Variants in PDE10A observed in about 807,000 individuals in gnomAD.
The protein encoded by PDE10A is cAMP and cAMP-inhibited cGMP 3',5'-cyclic phosphodiesterase 10A.
A neutral mutation model predicts 97.7 loss-of-function variants in PDE10A; 39 were observed. The ratio of observed to expected loss-of-function variants is 0.40; its 90% CI spans 0.31 to 0.52. PDE10A has a LOEUF of 0.52. PDE10A is among the 20% of genes least tolerant of loss of function. The probability of loss-of-function intolerance (pLI) is 0.56; values close to 1 mark genes in which losing one functional copy is unlikely to be tolerated. For synonymous variants in PDE10A, 371 were observed against 376.8 expected (o/e 0.98, Z 0.18); for missense variants, 731 against 1,047.8 (o/e 0.70, Z 4.17).
chr6:165,396,363 GA>G lies in PDE10A; in HGVS notation c.2172del (p.Leu725SerfsTer57). 6.2e-7 allele frequency: 1 copy of G among 1,613,386 alleles called. No homozygotes were observed. The highest frequency in any genetic ancestry group is 8.5e-7 in the Non-Finnish European group (1 of 1,179,566). Reference protein sequence around the residue: ...HSICTSEEWQGLMQFTLPVRL... With the variant: ...HSICTSEEWQXLMQFTLPVRL... ...CGCACGGGAAGGGTGAATTGCATGA[GA>G]CCTTGCCACTCTTCTGAAGTACAAA... is the stretch of plus-strand genomic sequence containing the variant. On this transcript the variant is annotated frameshift_variant, in exon 14 of 22. Coordinates refer to ENST00000539869, the MANE Select transcript of PDE10A (RefSeq NM_001385079.1). LOFTEE classifies it high-confidence loss of function.
chr6:165,928,761 G>A (rs1783028280), intron 1 of PDE10A, among the ~76,000 whole-genome samples: 1 of 152,140 alleles, frequency 6.6e-6, no homozygotes, highest in East Asian at 1.9e-4. Context: ...CCTGAGTGCT[G>A]GGACCTATGG....
chr6:165,613,666 T>C (rs190958820), intron 1 of PDE10A, among the ~76,000 whole-genome samples: 1 of 152,186 alleles, frequency 6.6e-6, no homozygotes, highest in African/African-American at 2.4e-5. Flanking sequence ...TAAAACACTA[T>C]TTTTCAAAAC....
intron 1 of PDE10A, among the ~76,000 whole-genome samples, chr6:165,841,753 A>G (rs547077560): frequency 6.6e-6 from 1 of 152,352 alleles, no homozygotes; most frequent in South Asian, 2.1e-4. Context: ...TATGTCTTGC[A>G]CAAGAGGAAG....
chr6:165,644,900 G>C (rs145033833), intron 1 of PDE10A, among the ~76,000 whole-genome samples: 150 of 152,292 alleles, frequency 9.8e-4, no homozygotes, highest in African/African-American at 3.5e-3. Context: ...TTGATCTCCA[G>C]GAAATCTGGG....
In PDE10A at chr6:165,715,894, C is replaced by G. The variant is rs1315353243; in HGVS notation, c.-614-172326G>C. 2.6e-5 allele frequency among the ~76,000 whole-genome samples: 4 copies of G among 152,358 alleles called. No homozygotes were observed. The East Asian group carries it at 7.7e-4, about 29-fold the overall frequency. On this transcript the variant is annotated intron_variant, in intron 1 of 19. Coordinates refer to the PDE10A transcript ENST00000366882. ...ACATTACTTTCTCCTCAGCTTTATT[C>G]TGTCCTACCAGACAGTCAGGTCTCC...
intron 1 of PDE10A, among the ~76,000 whole-genome samples, chr6:165,982,180 T>G (rs548297459): frequency 7.2e-5 from 11 of 152,302 alleles, no homozygotes; most frequent in Admixed American, 1.3e-4. Flanking sequence ...GCTACCCATA[T>G]TTCACTATGG....
chr6:165,408,075 C>T (rs1456796691), intron 13 of PDE10A, among the ~76,000 whole-genome samples: 1 of 152,130 alleles, frequency 6.6e-6, no homozygotes, highest in Non-Finnish European at 1.5e-5. Context: ...ATAAAATATG[C>T]CATTACATTA....
chr6:165,668,745 G>C (rs1790560065), intron 1 of PDE10A, among the ~76,000 whole-genome samples: 1 of 124,106 alleles, frequency 8.1e-6, no homozygotes, highest in Admixed American at 9.5e-5. Context: ...AGAAAAGACA[G>C]AAAGAGAAAG....
Position 165,422,460 on chromosome 6 carries a change from C to T in PDE10A, c.1654-3683G>A, listed in dbSNP as rs951719406. 8.2e-5 allele frequency among the ~76,000 whole-genome samples: 12 copies of T among 147,130 alleles called. 1 individual carries two copies. The highest frequency in any genetic ancestry group is 1.4e-4 in the Non-Finnish European group (9 of 66,554). On this transcript the variant is annotated intron_variant, in intron 10 of 21. Transcript: ENST00000539869. ...ATACACACATACGCATATACACACA[C>T]AGGCATACACACATACGCATACACA...
intron 18 of PDE10A, among the ~76,000 whole-genome samples, chr6:165,367,758 T>C (rs189880617): frequency 6.7e-6 from 1 of 148,544 alleles, no homozygotes; most frequent in African/African-American, 2.5e-5. Flanking sequence ...CCAGTGAAAA[T>C]ATCTTTAAAA....
At chr6:165,972,451 C>T (rs1303858006) in intron 1 of PDE10A, among the ~76,000 whole-genome samples, 1 of 151,998 alleles carries the variant, frequency 6.6e-6, no homozygotes, top group Admixed American at 6.6e-5. Flanking sequence ...CAGTCTCTGT[C>T]ACGAAAAAAA....
At chr6:165,906,897 A>G (rs1402768453) in intron 1 of PDE10A, among the ~76,000 whole-genome samples, 2 of 152,228 alleles carry the variant, frequency 1.3e-5, no homozygotes, top group African/African-American at 2.4e-5. Context: ...ATCGGAGTCC[A>G]GGTAAGTAAA....
Position 165,619,408 on chromosome 6 carries a change from T to G in PDE10A, c.865+42539A>C, listed in dbSNP as rs1320315204. ...TCTAGTATAGTGTAGTGTAGTGTAG[T>G]CTAGTGTAGTGTAGTGTAGTATAGT... On this transcript the variant is annotated intron_variant, in intron 1 of 21. Coordinates refer to ENST00000539869, the MANE Select transcript of PDE10A (RefSeq NM_001385079.1). Among the ~76,000 whole-genome samples the G allele has an allele frequency of 6.7e-4, 81 of 121,088 alleles. 1 individual carries two copies. The highest frequency in any genetic ancestry group is 1.2e-3 in the East Asian group (5 of 4,288). The allele number at this position is 121,088 out of a possible 152,430, so 79.4% of individuals were successfully genotyped here. A position where few individuals can be genotyped will look rare whatever the true frequency, so the allele number is the denominator to read the frequency against.
chr6:165,361,179 T>C (rs780282626), intron 18 of PDE10A, among the ~76,000 whole-genome samples: 6 of 152,090 alleles, frequency 3.9e-5, no homozygotes, highest in Non-Finnish European at 8.8e-5. Context: ...AGATACAAGA[T>C]AAGCAGTACA....
intron 10 of PDE10A, among the ~76,000 whole-genome samples, chr6:165,420,055 C>A (rs899479748): frequency 1.3e-5 from 2 of 152,116 alleles, no homozygotes; most frequent in Non-Finnish European, 2.9e-5. Context: ...AGTATCAGGA[C>A]CTCTAGGTTA....
intron 16 of PDE10A, among the ~76,000 whole-genome samples, chr6:165,391,069 C>A (rs993270620): frequency 2.0e-5 from 3 of 152,112 alleles, no homozygotes; most frequent in Admixed American, 2.0e-4. Context: ...TTTTAAAATT[C>A]ATGTGACTTT....
At chr6:165,475,980 G>A (rs1779272323) in intron 3 of PDE10A, among the ~76,000 whole-genome samples, 1 of 152,028 alleles carries the variant, frequency 6.6e-6, no homozygotes, top group Admixed American at 6.6e-5. Context: ...GACTGAACTG[G>A]TGCCACCGAC....
chr6:165,559,808 C>A (rs1784436183), intron 1 of PDE10A, among the ~76,000 whole-genome samples: 1 of 152,166 alleles, frequency 6.6e-6, no homozygotes, highest in Admixed American at 6.5e-5. Context: ...GTGACTATGT[C>A]TTACAAGATG....
intron 10 of PDE10A, among the ~76,000 whole-genome samples, chr6:165,421,317 T>G (rs1317220165): frequency 6.6e-6 from 1 of 151,994 alleles, no homozygotes; most frequent in African/African-American, 2.4e-5. Context: ...GCAGCATGCA[T>G]CTGAAGTCCC....
Sources: gnomAD v4.1 joint callset for allele counts (sites outside exome capture counted in the v4.1 genomes callset) on GRCh38, gnomAD v4.1.1 for gene constraint, MANE v1.5 for transcripts, NCBI Gene and HGNC (gene_info 2026-07-23, HGNC 2026-07-21) for gene names.